The following SRGAP3 variants were observed in gnomAD, a reference collection of about 807,000 sequenced individuals.
The protein encoded by SRGAP3 is SLIT-ROBO Rho GTPase activating protein 3, also known as SLIT-ROBO Rho GTPase-activating protein 3.
In SRGAP3, 39 loss-of-function variants were observed where a neutral mutation model predicts 121.1. The ratio of observed to expected loss-of-function variants is 0.32; its 90% CI spans 0.25 to 0.42. The LOEUF is 0.42. Ranked by LOEUF, SRGAP3 falls within the 10% of genes least tolerant of loss-of-function variation. SRGAP3 has a pLI of 1.00. For missense variants in SRGAP3, 1,213 were observed against 1,470.6 expected (o/e 0.82, Z 2.86); for synonymous variants, 601 against 570.0 (o/e 1.05, Z -0.77).
Position 8,984,042 on chromosome 3 carries a change from G to C in SRGAP3, c.*1477C>G, listed in dbSNP as rs760437746. On this transcript the variant is annotated 3_prime_UTR_variant, in exon 22 of 22. Coordinates refer to ENST00000383836, the MANE Select transcript of SRGAP3 (RefSeq NM_014850.4). ...CTCATCTCTGGAAGTGATCAGAAGA[G>C]GAGGTAAAATGGAATCGAAGGAGAG... is the stretch of plus-strand genomic sequence containing the variant. 2 of 231,832 alleles carry C rather than the reference G, an allele frequency of 8.6e-6. No individual in the cohort carries two copies. Among genetic ancestry groups the C allele is most frequent in the African/African-American group, 4.4e-5 (2 of 45,248 alleles). 14.4% of individuals were successfully genotyped at this position (231,832 alleles called of 1,614,324 possible).
chr3:9,113,483 G>T (rs187730342), intron 2 of SRGAP3, among the ~76,000 whole-genome samples: 1 of 152,238 alleles, frequency 6.6e-6, no homozygotes, highest in East Asian at 1.9e-4. Context: ...CCTTCCCAAT[G>T]ACCTCATTTT....
chr3:9,057,210 G>C (rs887089596), intron 7 of SRGAP3, among the ~76,000 whole-genome samples: 5 of 152,132 alleles, frequency 3.3e-5, no homozygotes, highest in Non-Finnish European at 7.4e-5. Context: ...TTACAGACGT[G>C]AGCCACCGCC....
chr3:9,201,486 A>G (rs934181363), intron 1 of SRGAP3, among the ~76,000 whole-genome samples: 2 of 152,246 alleles, frequency 1.3e-5, no homozygotes, highest in East Asian at 3.8e-4. Flanking sequence ...CAGACTCTCC[A>G]GAGGCAAGGA....
At chr3:9,011,590 C>A (rs894602278) in intron 17 of SRGAP3, among the ~76,000 whole-genome samples, 6 of 152,224 alleles carry the variant, frequency 3.9e-5, no homozygotes, top group Admixed American at 3.9e-4. Flanking sequence ...CTGCACTTCC[C>A]CCAGGAAGCC....
chr3:9,160,500 C>T (rs12053978), intron 1 of SRGAP3, among the ~76,000 whole-genome samples: 4 of 152,262 alleles, frequency 2.6e-5, no homozygotes, highest in East Asian at 1.9e-4. Context: ...GCCATGTAGT[C>T]GGCCACTGTG....
chr3:9,165,736 CCA>C (rs1575172311), intron 1 of SRGAP3, among the ~76,000 whole-genome samples: 1 of 152,188 alleles, frequency 6.6e-6, no homozygotes, highest in Admixed American at 6.5e-5. Context: ...CTTTCCATCC[CCA>C]GAGCCTTTGC....
chr3:9,088,823 C>T (rs1428566830), intron 3 of SRGAP3, among the ~76,000 whole-genome samples: 1 of 152,140 alleles, frequency 6.6e-6, no homozygotes, highest in Non-Finnish European at 1.5e-5. Flanking sequence ...TCTAGAAGAT[C>T]CAGCAATGCC....
chr3:9,047,800 G>C (rs1945364169), intron 9 of SRGAP3, among the ~76,000 whole-genome samples: 2 of 152,178 alleles, frequency 1.3e-5, no homozygotes, highest in South Asian at 4.1e-4. Context: ...CAAAGCAAAG[G>C]GCCTCTTTAG....
intron 1 of SRGAP3, among the ~76,000 whole-genome samples, chr3:9,243,503 C>T (rs1250530942): frequency 3.3e-5 from 5 of 151,920 alleles, no homozygotes; most frequent in African/African-American, 7.3e-5. Context: ...GGCATAGTGG[C>T]GCATGCCTGT....
intron 1 of SRGAP3, among the ~76,000 whole-genome samples, chr3:9,173,954 C>G (rs1365111615): frequency 6.6e-6 from 1 of 152,146 alleles, no homozygotes; most frequent in Non-Finnish European, 1.5e-5. Context: ...TATTGGTACA[C>G]AGTGTTCACA....
chr3:9,362,785 G>A (rs894224747), intron 1 of SRGAP3: 3 of 152,140 alleles, frequency 2.0e-5, no homozygotes, highest in Admixed American at 6.5e-5. Context: ...CACTTCATAG[G>A]TGCTAGAACA....
rs570603533 is a variant in SRGAP3, at chr3:9,165,432, C to A, written c.68-40515G>T. Among the ~76,000 whole-genome samples, 26 of 152,338 alleles carry A rather than the reference C, an allele frequency of 1.7e-4. No individual in the cohort carries two copies. In the East Asian group the frequency reaches 4.8e-3, roughly 28 times the overall value. The stretch of plus-strand genomic sequence containing the variant: ...CATCATCCCTGTGAGCCACAAACCC[C>A]ACCAAGGCATCATTCCTTCCTCCTG... On this transcript the variant is annotated intron_variant, in intron 1 of 21. Transcript: ENST00000383836.
At chr3:9,263,386 A>C (rs1303874231) in intron 3 of SRGAP3, among the ~76,000 whole-genome samples, 1 of 151,276 alleles carries the variant, frequency 6.6e-6, no homozygotes, top group Non-Finnish European at 1.5e-5. Context: ...ACAGAAGGAG[A>C]CAGAGACATG....
chr3:9,294,186 T>C (rs922901895), intron 3 of SRGAP3, among the ~76,000 whole-genome samples: 6 of 152,166 alleles, frequency 3.9e-5, no homozygotes, highest in Non-Finnish European at 7.3e-5. Flanking sequence ...TAGAATACTA[T>C]GCAGCCAAAA....
chr3:9,199,320 G>A (rs914088785), intron 1 of SRGAP3, among the ~76,000 whole-genome samples: 3 of 152,200 alleles, frequency 2.0e-5, no homozygotes, highest in Non-Finnish European at 2.9e-5. Flanking sequence ...AAATGCAAAT[G>A]TGTACCGGCA....
chr3:9,315,153 G>C (rs1227689801), intron 3 of SRGAP3, among the ~76,000 whole-genome samples: 3 of 152,160 alleles, frequency 2.0e-5, no homozygotes, highest in African/African-American at 7.2e-5. Flanking sequence ...CTTCAGCTGG[G>C]TTGGCTTCAT....
At chr3:9,076,051 G>A (rs1199243872) in intron 4 of SRGAP3, among the ~76,000 whole-genome samples, 1 of 152,152 alleles carries the variant, frequency 6.6e-6, no homozygotes, top group African/African-American at 2.4e-5. Flanking sequence ...TGGCCAATGG[G>A]ATATTAGCAA....
intron 21 of SRGAP3, among the ~76,000 whole-genome samples, chr3:8,987,566 C>A (rs895233785): frequency 6.6e-6 from 1 of 152,168 alleles, no homozygotes; most frequent in Non-Finnish European, 1.5e-5. Context: ...TGCCCTAGGC[C>A]ACATGGCAGG....
chr3:9,255,000 G>T (rs554460579), intron 3 of SRGAP3, among the ~76,000 whole-genome samples: 1 of 127,700 alleles, frequency 7.8e-6, no homozygotes, highest in East Asian at 2.1e-4. Flanking sequence ...AAAGAAAGGG[G>T]AAGGAAGGAA....
Sources: gnomAD v4.1 joint callset for allele counts (sites outside exome capture counted in the v4.1 genomes callset) on GRCh38, gnomAD v4.1.1 for gene constraint, MANE v1.5 for transcripts, NCBI Gene and HGNC (gene_info 2026-07-23, HGNC 2026-07-21) for gene names.